Variants in TBX18 observed in about 807,000 individuals in gnomAD.
The protein encoded by TBX18 is T-box transcription factor 18.
TBX18 carries 21 observed loss-of-function variants against 55.0 expected under a neutral mutation model. That is an observed-to-expected ratio of 0.38 (90% confidence interval 0.27 to 0.55). The LOEUF (loss-of-function observed/expected upper bound fraction) is 0.55. Among genes scored for constraint, TBX18 ranks in the 20% least tolerant of loss-of-function variants. The pLI is 0.73. For synonymous variants in TBX18, 342 were observed against 326.1 expected (o/e 1.05, Z -0.53); for missense variants, 840 against 799.6 (o/e 1.05, Z -0.61).
intron 7 of TBX18, 27 bp downstream of exon 7, chr6:84,738,470 T>A: frequency 6.3e-7 from 1 of 1,585,548 alleles, no homozygotes; most frequent in Non-Finnish European, 8.7e-7. Context: ...GGGCTGTATA[T>A]ATGACCCAGG....
chr6:84,763,064 C>A, intron 1 of TBX18: 1 of 468,266 alleles, frequency 2.1e-6, no homozygotes, highest in Non-Finnish European at 3.9e-6. Context: ...AGGCTTCACG[C>A]CGCCGCCGGG....
intron 4 of TBX18, among the ~76,000 whole-genome samples, chr6:84,754,406 C>T (rs1767432108): frequency 6.6e-6 from 1 of 152,174 alleles, no homozygotes; most frequent in African/African-American, 2.4e-5. Flanking sequence ...CCAAATTGTA[C>T]AAGTACATCT....
In TBX18 at chr6:84,760,269, G is replaced by T; in HGVS notation, c.585C>A (p.Asp195Glu). The T allele has an allele frequency of 6.3e-7, 1 of 1,580,910 alleles. No homozygotes were observed. The highest frequency in any genetic ancestry group is 8.6e-7 in the Non-Finnish European group (1 of 1,160,280). The change falls in exon 3 of 8, where the codon GAC (aspartate) becomes GAA (glutamate). Residue 195 changes from aspartate to glutamate, a missense_variant. Physicochemically the swap from Asp to Glu is conservative, Grantham distance 45 (BLOSUM62 2). Coordinates refer to ENST00000369663, the MANE Select transcript of TBX18 (RefSeq NM_001080508.3). ...YYIAMDIVPV[D>E]NKRYRYVYHS... Reference sequence around the variant, plus strand: ...AATCACTGTACCTGTATCTTTTGTTGTCCACTGGTACAATATCCATGGCAA... The same window carrying T: ...AATCACTGTACCTGTATCTTTTGTTTTCCACTGGTACAATATCCATGGCAA...
chr6:84,756,816 A>G lies in TBX18; in HGVS notation c.653T>C (p.Val218Ala), dbSNP rs140747881. ...TGGATGAATGTACACACGGGGTGGC[A>G]CAGGCGAGTCAGCATTACCTGCCAC... is the stretch of plus-strand genomic sequence containing the variant. ...WMVAGNADSP[V>A]PPRVYIHPDS... is the part of the protein sequence containing the mutation. The change falls in exon 4 of 8, where the codon GTG (valine) becomes GCG (alanine). Residue 218 changes from valine (V) to alanine (A), a missense_variant. Val to Ala is a moderately conservative substitution (Grantham distance 64). Transcript: ENST00000369663. The G allele has an allele frequency of 3.1e-6, 5 of 1,614,030 alleles. No individual in the cohort carries two copies. Among genetic ancestry groups the G allele is most frequent in the Non-Finnish European group, 4.2e-6 (5 of 1,180,014 alleles).
chr6:84,753,863 G>A (rs1233955607), intron 4 of TBX18, among the ~76,000 whole-genome samples: 1 of 152,112 alleles, frequency 6.6e-6, no homozygotes, highest in African/African-American at 2.4e-5. Flanking sequence ...GATAATCTGT[G>A]TTCATGGTTT....
At chr6:84,741,197 C>G (rs1767038968) in intron 6 of TBX18, 1 of 152,136 alleles carries the variant, frequency 6.6e-6, no homozygotes, top group African/African-American at 2.4e-5. Flanking sequence ...TAATGGAGAC[C>G]TTTCCTGGCT....
chr6:84,737,101 T>A lies in TBX18; in HGVS notation c.1408A>T (p.Met470Leu), dbSNP rs757081078. The change falls in exon 8 of 8, where the codon ATG (methionine) becomes TTG (leucine). Residue 470 changes from methionine (M) to leucine (L), a missense_variant. Transcript: ENST00000369663. Reference protein sequence around the residue: ...VSSSTSVNMSMGGTDGDTFSC... With the variant: ...VSSSTSVNMSLGGTDGDTFSC... ...AAGGTGTCCCCATCAGTGCCACCCA[T>A]GGACATGTTCACGGAGGTGCTGCTG... The A allele has an allele frequency of 3.1e-6, 5 of 1,614,074 alleles. No individual in the cohort carries two copies. The highest frequency in any genetic ancestry group is 4.2e-6 in the Non-Finnish European group (5 of 1,180,024).
chr6:84,748,192 T>C, intron 4 of TBX18, 105 bp from the exon 5 acceptor site: 1 of 847,820 alleles, frequency 1.2e-6, no homozygotes, highest in Non-Finnish European at 1.7e-6. Flanking sequence ...GGAAATCATT[T>C]CCAAGGATGC....
chr6:84,759,446 A>C (rs1196026627), intron 3 of TBX18, among the ~76,000 whole-genome samples: 3 of 152,162 alleles, frequency 2.0e-5, no homozygotes, highest in African/African-American at 7.2e-5. Flanking sequence ...AGTATCTTCG[A>C]ATCTTCCAAA....
At chr6:84,758,052 G>A (rs1266355958) in intron 3 of TBX18, among the ~76,000 whole-genome samples, 2 of 152,062 alleles carry the variant, frequency 1.3e-5, no homozygotes, top group African/African-American at 2.4e-5. Context: ...ATGCCTTCTA[G>A]TCTTTCATTT....
chr6:84,761,928 A>T (rs1767657785), intron 2 of TBX18, among the ~76,000 whole-genome samples: 2 of 152,218 alleles, frequency 1.3e-5, no homozygotes, highest in Admixed American at 1.3e-4. Context: ...TATAAACAGG[A>T]TGCTTTTTAA....
intron 1 of TBX18, 140 bp from the exon 2 acceptor site, chr6:84,762,888 T>A: frequency 1.3e-6 from 1 of 775,166 alleles, no homozygotes; most frequent in South Asian, 1.7e-5. Context: ...CAGGTCCTCC[T>A]AAAGAACAAG....
At chr6:84,739,318 A>G (rs951959083) in intron 6 of TBX18, among the ~76,000 whole-genome samples, 12 of 152,130 alleles carry the variant, frequency 7.9e-5, no homozygotes, top group African/African-American at 2.9e-4. Flanking sequence ...ATGGATACTT[A>G]AAGAGACAGG....
chr6:84,732,604 A>C lies in TBX18; in HGVS notation c.*4081T>G, dbSNP rs1773833282. Reference sequence around the variant, plus strand: ...CAAAATAATTTAATGCCATGCAATTAAGAGCATCATGAAAAAGAAATTTTA... The same window carrying C: ...CAAAATAATTTAATGCCATGCAATTCAGAGCATCATGAAAAAGAAATTTTA... On this transcript the variant is annotated 3_prime_UTR_variant, in exon 8 of 8. Coordinates refer to ENST00000369663, the MANE Select transcript of TBX18 (RefSeq NM_001080508.3). 1 of 152,142 alleles carries C rather than the reference A, an allele frequency of 6.6e-6. No individual in the cohort carries two copies. Among genetic ancestry groups the C allele is most frequent in the Non-Finnish European group, 1.5e-5 (1 of 67,984 alleles). The allele number at this position is 152,142 out of a possible 1,614,324, so 9.4% of individuals were successfully genotyped here. A position where few individuals can be genotyped will look rare whatever the true frequency, so the allele number is the denominator to read the frequency against.
At chr6:84,741,478 T>C (rs1469782971) in intron 6 of TBX18, 2 of 152,314 alleles carry the variant, frequency 1.3e-5, no homozygotes, top group East Asian at 1.9e-4. Context: ...CTCTCTCACA[T>C]AGCAAATGTC....
chr6:84,764,151 T>C lies in TBX18; in HGVS notation c.31A>G (p.Ser11Gly). The part of the protein sequence containing the change: MAEKRRGSPC[S>G]MLSLKAHAFS... ...GCGTGCGCCTTGAGGCTTAGCATGC[T>C]GCACGGCGAGCCCCTTCGCTTCTCG... The change falls in exon 1 of 8, where the codon AGC (serine) becomes GGC (glycine). Residue 11 changes from serine to glycine, a missense_variant. Coordinates refer to ENST00000369663, the MANE Select transcript of TBX18 (RefSeq NM_001080508.3). The C allele has an allele frequency of 6.5e-7, 1 of 1,543,010 alleles. No individual in the cohort carries two copies. The highest frequency in any genetic ancestry group is 8.7e-7 in the Non-Finnish European group (1 of 1,155,286).
Position 84,762,571 on chromosome 6 carries a change from G to C in TBX18, c.470C>G (p.Thr157Ser). 6.2e-7 allele frequency: 1 copy of C among 1,614,036 alleles called. No homozygotes were observed. Among genetic ancestry groups the C allele is most frequent in the Non-Finnish European group, 8.5e-7 (1 of 1,180,012 alleles). Residue 157 changes from threonine to serine, a missense_variant, in exon 2 of 8, where the codon ACT becomes AGT. By Grantham distance (58) the Thr-to-Ser change is moderately conservative. Coordinates refer to ENST00000369663, the MANE Select transcript of TBX18 (RefSeq NM_001080508.3). Reference sequence around the variant, plus strand: ...GCCGGCCTTGGTGATGATCATCTCAGTGCCTATCTCATGAAAGCGCTTCCA... The same window carrying C: ...GCCGGCCTTGGTGATGATCATCTCACTGCCTATCTCATGAAAGCGCTTCCA... ...ELWKRFHEIG[T>S]EMIITKAGRR...
intron 3 of TBX18, among the ~76,000 whole-genome samples, chr6:84,758,649 C>T (rs1767560933): frequency 6.6e-6 from 1 of 151,968 alleles, no homozygotes; most frequent in Non-Finnish European, 1.5e-5. Flanking sequence ...AGAAAAATTA[C>T]ACTGTGGAAA....
chr6:84,739,590 C>G (rs1027999598), intron 6 of TBX18, among the ~76,000 whole-genome samples: 1 of 152,102 alleles, frequency 6.6e-6, no homozygotes, highest in African/African-American at 2.4e-5. Context: ...GGTAACATTA[C>G]ACTTTTAATG....
Sources: gnomAD v4.1 joint callset for allele counts (sites outside exome capture counted in the v4.1 genomes callset) on GRCh38, gnomAD v4.1.1 for gene constraint, MANE v1.5 for transcripts, NCBI Gene and HGNC (gene_info 2026-07-23, HGNC 2026-07-21) for gene names.